The following PDE4A variants were observed in gnomAD, a reference collection of about 807,000 sequenced individuals.
PDE4A encodes the protein 3',5'-cyclic-AMP phosphodiesterase 4A.
In PDE4A, 21 loss-of-function variants were observed where a neutral mutation model predicts 73.9. That is an observed-to-expected ratio of 0.28 (90% CI 0.20 to 0.41). The LOEUF (loss-of-function observed/expected upper bound fraction) is 0.41, where lower values mean the gene tolerates loss of function less well. PDE4A is among the 10% of genes least tolerant of loss of function. The pLI, the probability that PDE4A is intolerant of heterozygous loss-of-function variation, is 1.00. For missense variants in PDE4A, 958 were observed against 1,211.4 expected, an observed-to-expected ratio of 0.79 and a Z score of 3.10; for synonymous variants, 463 against 505.4, an observed-to-expected ratio of 0.92 and a Z score of 1.13.
Position 10,467,140 on chromosome 19 carries a change from C to T in PDE4A, c.2180C>T (p.Pro727Leu), listed in dbSNP as rs201587184. The change falls in exon 15 of 15, where the codon CCG (proline) becomes CTG (leucine). Residue 727 changes from proline (P) to leucine (L), a missense_variant. Coordinates refer to ENST00000380702, the MANE Select transcript of PDE4A (RefSeq NM_001111307.2). ...EEEEISMAQI[P>L]CTAQEALTAQ... ...GAAGAAATATCAATGGCCCAGATAC[C>T]GTGCACAGCCCAAGAGGCATTGACT... 1.8e-5 allele frequency: 29 copies of T among 1,614,024 alleles called. No homozygotes were observed. The highest frequency in any genetic ancestry group is 3.3e-5 in the Admixed American group (2 of 59,984).
In PDE4A at chr19:10,450,606, G is replaced by A. The variant is rs768218034; in HGVS notation, c.624G>A (p.Arg208=). 6.8e-6 allele frequency: 11 copies of A among 1,607,112 alleles called. No homozygotes were observed. The highest frequency in any genetic ancestry group is 9.3e-6 in the Non-Finnish European group (11 of 1,177,554). ...LTNVPVPSNK[R]SPLGGPTPVC... is the part of the protein sequence containing the mutation. The stretch of plus-strand genomic sequence containing the variant: ...CCCCATTTTTTTTTTTCTGCAGGCG[G>A]TCCCCGCTGGGCGGCCCCACCCCTG... The change falls in exon 5 of 15, where the codon CGG becomes CGA. Residue 208 remains arginine (R), a synonymous_variant. Transcript: ENST00000380702.
rs548135901 is a variant in PDE4A, at chr19:10,442,160, G to A, written c.321-4058G>A. 1.1e-4 allele frequency among the ~76,000 whole-genome samples: 17 copies of A among 152,126 alleles called. No homozygotes were observed. In the South Asian group the frequency reaches 1.9e-3, roughly 17 times the overall value. On this transcript the variant is annotated intron_variant, in intron 1 of 14. Transcript: ENST00000380702. The stretch of plus-strand genomic sequence containing the variant: ...GAGGGAGAGAGGATAGGAACCCCCC[G>A]CTTCCCCTTTCTAGGTCAGCCTATA...
chr19:10,448,979 G>A (rs757650702), intron 3 of PDE4A, 26 bp downstream of exon 3: 1 of 1,612,802 alleles, frequency 6.2e-7, no homozygotes, highest in African/African-American at 1.3e-5. Context: ...AAATGGTTAA[G>A]GAGAGAAGGG....
At chr19:10,461,785 G>C in intron 12 of PDE4A, 92 bp from the exon 13 acceptor site, 1 of 1,580,758 alleles carries the variant, frequency 6.3e-7, no homozygotes. Context: ...CCTGGACAGA[G>C]CGGGCGGCTT....
At chr19:10,465,852 C>T (rs1210418017) in intron 14 of PDE4A, among the ~76,000 whole-genome samples, 1 of 149,128 alleles carries the variant, frequency 6.7e-6, no homozygotes, top group Non-Finnish European at 1.5e-5. Flanking sequence ...ATGTGCCCAC[C>T]ACCATGCCCT....
In PDE4A at chr19:10,467,050, G is replaced by A. The variant is rs759968656; in HGVS notation, c.2090G>A (p.Gly697Glu). 4.3e-6 allele frequency: 7 copies of A among 1,614,036 alleles called. No individual in the cohort carries two copies. In the African/African-American group the frequency reaches 8.0e-5, roughly 18 times the overall value. Reference sequence around the variant, plus strand: ...CCGCCACCCGAGGAGGAGTCAAGGGGGCCAGGCCACCCACCCCTGCCTGAC... The same window carrying A: ...CCGCCACCCGAGGAGGAGTCAAGGGAGCCAGGCCACCCACCCCTGCCTGAC... Reference protein sequence around the residue: ...PSPPPEEESRGPGHPPLPDKF... With the variant: ...PSPPPEEESREPGHPPLPDKF... Residue 697 changes from glycine to glutamate, a missense_variant, in exon 15 of 15, where the codon GGG (glycine) becomes GAG (glutamate). Coordinates refer to ENST00000380702, the MANE Select transcript of PDE4A (RefSeq NM_001111307.2).
At chr19:10,457,122 C>G (rs1336352252) in intron 7 of PDE4A, among the ~76,000 whole-genome samples, 1 of 152,090 alleles carries the variant, frequency 6.6e-6, no homozygotes, top group Non-Finnish European at 1.5e-5. Flanking sequence ...CGCTTGAACC[C>G]GGGAGGTGGA....
At position 10,459,155 on chromosome 19, in the gene PDE4A, C is replaced by T. The variant is rs117759786; in HGVS notation, c.1102-245C>T. 7.0e-3 allele frequency: 4,037 copies of T among 576,874 alleles called. 30 individuals are homozygous for T. Among genetic ancestry groups the T allele is most frequent in the Middle Eastern group, 0.015 (37 of 2,422 alleles). 35.7% of individuals were successfully genotyped at this position (576,874 alleles called of 1,614,324 possible). On this transcript the variant is annotated intron_variant, in intron 8 of 14. Transcript: ENST00000380702. ...AGCCTTGGTGCCTTCACCTGCCAAA[C>T]GAGATCAAGTGCTTAGAGCAATACT...
At chr19:10,465,510 G>A (rs573050317) in intron 14 of PDE4A, among the ~76,000 whole-genome samples, 10 of 151,382 alleles carry the variant, frequency 6.6e-5, no homozygotes, top group Admixed American at 2.0e-4. Flanking sequence ...ATAAGCCACC[G>A]CGCCCAGCCT....
rs770587201 is a variant in PDE4A at position 10,453,311 on chromosome 19, G to A, written c.784-1518G>A. 4.3e-6 allele frequency: 7 copies of A among 1,613,298 alleles called. No individual in the cohort carries two copies. The African/African-American group carries it at 9.3e-5, about 22-fold the overall frequency. On this transcript the variant is annotated intron_variant, in intron 6 of 14. Transcript: ENST00000380702. The surrounding 1 kb of genome is among the most constrained non-coding windows in gnomAD (Gnocchi z 4.6). ...GCGAGACCTGCTCTAAGCCTTGGCT[G>A]GTGGGCTGGTGGGACCAGGTAGGAG... is the stretch of plus-strand genomic sequence containing the variant.
In PDE4A at chr19:10,449,022, CCCAG is replaced by C. The variant is rs1018342838; in HGVS notation, c.550-55_550-52del. 920 of 1,610,872 alleles carry C rather than the reference CCCAG, an allele frequency of 5.7e-4. 8 individuals carry two copies. Among genetic ancestry groups the C allele is most frequent in the Admixed American group, 5.0e-4 (30 of 59,532 alleles). ...TGCTCCGCCACACTTGGGGACAGGG[CCCAG>C]CCCCGCTGCCTCTCTAGGGGAACCC... is the stretch of plus-strand genomic sequence containing the variant. On this transcript the variant is annotated intron_variant, in intron 3 of 14. Transcript: ENST00000380702.
intron 2 of PDE4A, among the ~76,000 whole-genome samples, chr19:10,447,218 T>C (rs1464332020): frequency 2.8e-5 from 1 of 35,470 alleles, no homozygotes; most frequent in East Asian, 1.7e-3. Flanking sequence ...TTTTTTTCTC[T>C]TTTTTTTTTT....
Position 10,467,281 on chromosome 19 carries a change from T to C in PDE4A, c.2321T>C (p.Leu774Pro). 1 of 1,614,202 alleles carries C rather than the reference T, an allele frequency of 6.2e-7. No individual in the cohort carries two copies. The highest frequency in any genetic ancestry group is 8.5e-7 in the Non-Finnish European group (1 of 1,180,028). ...MAQEASLEAE[L>P]EAVYLTQQAQ... ...CAGGAAGCATCCCTGGAGGCCGAGC[T>C]GGAGGCAGTGTATTTGACACAGCAG... Residue 774 changes from leucine (L) to proline (P), a missense_variant, in exon 15 of 15, where the codon CTG becomes CCG. This residue lies in a region of PDE4A where 243 missense variants were observed against 245.9 expected (regional missense o/e 0.99). Transcript: ENST00000380702.
At chr19:10,420,445 C>T (rs1390590927), upstream of PDE4A, 28 of 797,008 alleles carry the variant, frequency 3.5e-5, no homozygotes, top group Non-Finnish European at 4.2e-5. This position sits in a 1 kb window ranked among gnomAD's most constrained non-coding sequence, Gnocchi z 6.0. Flanking sequence ...CGCTGACAGC[C>T]GCGGCGGGCG....
chr19:10,446,961 C>T (rs985108154), intron 2 of PDE4A, among the ~76,000 whole-genome samples: 3 of 147,500 alleles, frequency 2.0e-5, no homozygotes, highest in South Asian at 2.1e-4. Flanking sequence ...TGCAGTGGTG[C>T]GATCGCGGCT....
intron 1 of PDE4A, chr19:10,428,761 G>C: frequency 1.0e-6 from 1 of 985,294 alleles, no homozygotes. Context: ...CGCAAGCCCA[G>C]GCTTCCTCAC....
intron 6 of PDE4A, among the ~76,000 whole-genome samples, chr19:10,452,238 G>T (rs2043102658): frequency 6.6e-6 from 1 of 151,890 alleles, no homozygotes; most frequent in Non-Finnish European, 1.5e-5. Context: ...TCGGGAGTTC[G>T]AGCAGCCTGA....
At chr19:10,436,037 G>A (rs1334699600) in intron 1 of PDE4A, among the ~76,000 whole-genome samples, 1 of 152,180 alleles carries the variant, frequency 6.6e-6, no homozygotes, top group Non-Finnish European at 1.5e-5. Flanking sequence ...GTCCCTTGGG[G>A]CTGGTGGATG....
Position 10,421,012 on chromosome 19 carries a change from G to T in PDE4A, c.248G>T (p.Arg83Leu). The change falls in exon 1 of 15, where the codon CGC becomes CTC. Residue 83 changes from arginine (R) to leucine (L), a missense_variant. Coordinates refer to ENST00000380702, the MANE Select transcript of PDE4A (RefSeq NM_001111307.2). ...TSDRPGLRTT[R>L]MSWPSSFHGT... The stretch of plus-strand genomic sequence containing the variant: ...GACCGGCCCGGCCTGCGCACGACCC[G>T]CATGTCCTGGCCCTCGTCCTTCCAT... 2.0e-6 allele frequency: 3 copies of T among 1,504,204 alleles called. No homozygotes were observed. Among genetic ancestry groups the T allele is most frequent in the Middle Eastern group, 1.8e-4 (1 of 5,434 alleles). 93.2% of individuals were successfully genotyped at this position (1,504,204 alleles called of 1,614,324 possible).
Sources: gnomAD v4.1 joint callset for allele counts (sites outside exome capture counted in the v4.1 genomes callset) on GRCh38, gnomAD v4.1.1 for gene constraint, gnomAD v4.1.1 regional missense constraint, Gnocchi (gnomAD v3.1) non-coding constraint, MANE v1.5 for transcripts, NCBI Gene and HGNC (gene_info 2026-07-23, HGNC 2026-07-21) for gene names.